MEGF8: variants seen among roughly 807,000 people sequenced by gnomAD.
The protein encoded by MEGF8 is multiple epidermal growth factor-like domains protein 8.
A neutral mutation model predicts 302.9 loss-of-function variants in MEGF8; 156 were observed. That is an observed-to-expected ratio of 0.52 (90% CI 0.45 to 0.59). MEGF8 has a LOEUF of 0.59. Ranked by LOEUF, MEGF8 falls within the 20% of genes least tolerant of loss-of-function variation. The pLI, the probability that MEGF8 is intolerant of heterozygous loss-of-function variation, is 0.00. For synonymous variants in MEGF8, 1,621 were observed against 1,660.5 expected (o/e 0.98, Z 0.58); for missense variants, 3,345 against 3,964.5 (o/e 0.84, Z 4.20).
At chr19:42,370,887 A>G (rs1242240489) in intron 40 of MEGF8, 56 bp downstream of exon 40, 1 of 399,268 alleles carries the variant, frequency 2.5e-6, no homozygotes, top group Admixed American at 3.4e-5. Flanking sequence ...CGGGGATCCC[A>G]CCCTTCTCAC....
At chr19:42,332,398 G>C (rs139085570) in intron 1 of MEGF8, among the ~76,000 whole-genome samples, 1 of 151,210 alleles carries the variant, frequency 6.6e-6, no homozygotes, top group African/African-American at 2.4e-5. Flanking sequence ...ACGAAGTCTC[G>C]CTCTTGTCCC....
At chr19:42,372,097 A>G (rs572787933) in intron 41 of MEGF8, among the ~76,000 whole-genome samples, 28 of 151,992 alleles carry the variant, frequency 1.8e-4, no homozygotes, top group Non-Finnish European at 3.5e-4. Flanking sequence ...ACACACACAC[A>G]CAACAGAAGA....
In MEGF8 at chr19:42,377,095, C is replaced by T; in HGVS notation, c.*320C>T. On this transcript the variant is annotated 3_prime_UTR_variant, in exon 42 of 42. Coordinates refer to ENST00000251268, the MANE Select transcript of MEGF8 (RefSeq NM_001271938.2). ...CACCCCACACGCATACACACATGAA[C>T]ACATGCACATGTGCACACACAAGTA... The T allele has an allele frequency of 3.1e-6, 1 of 325,888 alleles. No homozygotes were observed. Among genetic ancestry groups the T allele is most frequent in the Non-Finnish European group, 5.6e-6 (1 of 179,092 alleles). 20.2% of individuals were successfully genotyped at this position (325,888 alleles called of 1,614,324 possible). A position where few individuals can be genotyped will look rare whatever the true frequency, so the allele number is the denominator to read the frequency against.
chr19:42,370,117 C>T lies in MEGF8; in HGVS notation c.6835-72C>T, dbSNP rs1463394051. On this transcript the variant is annotated intron_variant, in intron 38 of 41. Coordinates refer to ENST00000251268, the MANE Select transcript of MEGF8 (RefSeq NM_001271938.2). Reference sequence around the variant, plus strand: ...CTCCCGTGGGCTCTCAGAACCTGCCCCTGTGCCCCCAACGCCCTCCTACCC... The same window carrying T: ...CTCCCGTGGGCTCTCAGAACCTGCCTCTGTGCCCCCAACGCCCTCCTACCC... The T allele has an allele frequency of 7.9e-6, 12 of 1,509,728 alleles. No homozygotes were observed. In the East Asian group the frequency reaches 2.5e-4, roughly 31 times the overall value. 93.5% of individuals were successfully genotyped at this position (1,509,728 alleles called of 1,614,324 possible). A position where few individuals can be genotyped will look rare whatever the true frequency, so the allele number is the denominator to read the frequency against.
rs765946176 is a variant in MEGF8 at position 42,358,334 on chromosome 19, G to GATGT, written c.5175+31_5175+34dup. On this transcript the variant is annotated intron_variant, in intron 29 of 41. Coordinates refer to ENST00000251268, the MANE Select transcript of MEGF8 (RefSeq NM_001271938.2). The surrounding 1 kb of genome is among the most constrained non-coding windows in gnomAD (Gnocchi z 4.4). ...TCAGGAAAAGAGGCTCAGACCCAAG[G>GATGT]ATGTATGGGGCAGGAGGGAGGGGTC... 24 of 1,580,340 alleles carry GATGT rather than the reference G, an allele frequency of 1.5e-5. No homozygotes were observed. In the South Asian group the frequency reaches 2.8e-4, roughly 18 times the overall value.
Position 42,370,111 on chromosome 19 carries a change from C to T in MEGF8, c.6835-78C>T. 4 of 1,485,550 alleles carry T rather than the reference C, an allele frequency of 2.7e-6. No homozygotes were observed. The South Asian group carries it at 3.8e-5, about 14-fold the overall frequency. The allele number at this position is 1,485,550 out of a possible 1,614,324, so 92.0% of individuals were successfully genotyped here. On this transcript the variant is annotated intron_variant, in intron 38 of 41. Coordinates refer to ENST00000251268, the MANE Select transcript of MEGF8 (RefSeq NM_001271938.2). ...GCTGCCCTCCCGTGGGCTCTCAGAA[C>T]CTGCCCCTGTGCCCCCAACGCCCTC...
At chr19:42,363,990 G>A (rs2039569594) in intron 35 of MEGF8, among the ~76,000 whole-genome samples, 1 of 152,208 alleles carries the variant, frequency 6.6e-6, no homozygotes, top group East Asian at 1.9e-4. Flanking sequence ...ACATTCTCGA[G>A]GAGAAACTCT....
chr19:42,336,851 G>T lies in MEGF8; in HGVS notation c.1289G>T (p.Arg430Leu), dbSNP rs375504309. The T allele has an allele frequency of 6.2e-7, 1 of 1,610,290 alleles. No individual in the cohort carries two copies. Among genetic ancestry groups the T allele is most frequent in the Non-Finnish European group, 8.5e-7 (1 of 1,178,214 alleles). Reference protein sequence around the residue: ...VNSTELFHVDRHVWTTLKGRD... With the variant: ...VNSTELFHVDLHVWTTLKGRD... ...TCCACTGAGCTTTTCCACGTGGATC[G>T]GCATGTGTGGACGACGCTGAAGGGG... The change falls in exon 7 of 42, where the codon CGG (arginine) becomes CTG (leucine). Residue 430 changes from arginine to leucine, a missense_variant. Transcript: ENST00000251268. This position sits in a 1 kb window ranked among gnomAD's most constrained non-coding sequence, Gnocchi z 4.8.
Position 42,336,064 on chromosome 19 carries a change from T to A in MEGF8, c.962T>A (p.Leu321Gln). 1 of 1,591,440 alleles carries A rather than the reference T, an allele frequency of 6.3e-7. No homozygotes were observed. Among genetic ancestry groups the A allele is most frequent in the Non-Finnish European group, 8.5e-7 (1 of 1,172,668 alleles). ...CTGGGCAGGGGCCACTGGGAGCTCC[T>A]GGCACCACCTGCCTCCAGCTCCTCG... ...SPLGRGHWEL[L>Q]APPASSSSGP... The change falls in exon 6 of 42, where the codon CTG (leucine) becomes CAG (glutamine). Residue 321 changes from leucine to glutamine, a missense_variant. Transcript: ENST00000251268. This position sits in a 1 kb window ranked among gnomAD's most constrained non-coding sequence, Gnocchi z 4.8.
At position 42,370,215 on chromosome 19, in the gene MEGF8, G is replaced by A. The variant is rs749719126; in HGVS notation, c.6861G>A (p.Pro2287=). 6.8e-5 allele frequency: 110 copies of A among 1,613,208 alleles called. No individual in the cohort carries two copies. Among genetic ancestry groups the A allele is most frequent in the Non-Finnish European group, 8.8e-5 (104 of 1,179,802 alleles). Residue 2287 remains proline (P), a synonymous_variant, in exon 39 of 42, where the codon CCG becomes CCA. Transcript: ENST00000251268. ...TKGSHCEQCL[P]LFVGSAVGGG... ...GCAGCCACTGTGAGCAGTGCCTCCC[G>A]CTGTTTGTGGGTTCAGCTGTCGGAG...
chr19:42,337,496 C>A (rs1342752205), intron 8 of MEGF8, among the ~76,000 whole-genome samples: 7 of 149,864 alleles, frequency 4.7e-5, no homozygotes, highest in South Asian at 2.1e-4. Context: ...TTTTAACTTT[C>A]TTTTCTTTTC....
At chr19:42,340,877 A>G (rs1350146823) in intron 8 of MEGF8, among the ~76,000 whole-genome samples, 1 of 150,672 alleles carries the variant, frequency 6.6e-6, no homozygotes, top group African/African-American at 2.4e-5. Context: ...CATGTTTGCC[A>G]GGCTGGTCTT....
In MEGF8 at chr19:42,356,887, G is replaced by A; in HGVS notation, c.4736G>A (p.Gly1579Asp). The A allele has an allele frequency of 1.2e-6, 2 of 1,605,366 alleles. No individual in the cohort carries two copies. The highest frequency in any genetic ancestry group is 8.5e-7 in the Non-Finnish European group (1 of 1,176,388). The change falls in exon 27 of 42, where the codon GGT becomes GAT. Residue 1579 changes from glycine to aspartate, a missense_variant. Transcript: ENST00000251268. This position sits in a 1 kb window ranked among gnomAD's most constrained non-coding sequence, Gnocchi z 5.2. ...GCCGCATATGTGCCCGCTGGCCGTG[G>A]TGCCATGTATCTGCTGGGGGGACTT... ...HAAAYVPAGR[G>D]AMYLLGGLTA...
At position 42,344,659 on chromosome 19, in the gene MEGF8, T is replaced by A; in HGVS notation, c.1934-11T>A. ...CACTGACCCACCGGCCCCCACCCCC[T>A]GTCTTCTCAGAGCAGGCCCGCTGCC... On this transcript the variant is annotated splice_polypyrimidine_tract_variant and intron_variant, in intron 11 of 41. Coordinates refer to ENST00000251268, the MANE Select transcript of MEGF8 (RefSeq NM_001271938.2). The surrounding 1 kb of genome is among the most constrained non-coding windows in gnomAD (Gnocchi z 4.5). The A allele has an allele frequency of 1.3e-6, 2 of 1,564,066 alleles. No homozygotes were observed. Among genetic ancestry groups the A allele is most frequent in the Non-Finnish European group, 8.7e-7 (1 of 1,151,272 alleles).
chr19:42,353,155 C>T lies in MEGF8; in HGVS notation c.3550+28C>T. On this transcript the variant is annotated intron_variant, in intron 20 of 41. Coordinates refer to ENST00000251268, the MANE Select transcript of MEGF8 (RefSeq NM_001271938.2). The surrounding 1 kb of genome is among the most constrained non-coding windows in gnomAD (Gnocchi z 6.1). Reference sequence around the variant, plus strand: ...AAGCAGCCCTTGTCCTGGGCCCAGCCTGGACCCAGGGAGCCTCCTCCCTTC... The same window carrying T: ...AAGCAGCCCTTGTCCTGGGCCCAGCTTGGACCCAGGGAGCCTCCTCCCTTC... 1 of 1,512,086 alleles carries T rather than the reference C, an allele frequency of 6.6e-7. No homozygotes were observed. Among genetic ancestry groups the T allele is most frequent in the Non-Finnish European group, 8.8e-7 (1 of 1,131,904 alleles). The allele number at this position is 1,512,086 out of a possible 1,614,324, so 93.7% of individuals were successfully genotyped here.
chr19:42,355,777 G>A lies in MEGF8; in HGVS notation c.4164G>A (p.Trp1388Ter). 1 of 1,581,798 alleles carries A rather than the reference G, an allele frequency of 6.3e-7. No individual in the cohort carries two copies. Among genetic ancestry groups the A allele is most frequent in the Non-Finnish European group, 8.6e-7 (1 of 1,163,112 alleles). Residue 1388 changes from tryptophan to a stop codon, truncating the protein, a stop_gained, in exon 24 of 42, where the codon TGG becomes TGA. Transcript: ENST00000251268. LOFTEE classifies it high-confidence loss of function. ...QALSGLLVLH[W>*]EANGSSSWGF... ...TCACAGGGCTGCTCGTGCTGCACTG[G>A]GAGGCCAATGGCTCCTCATCCTGGG...
intron 1 of MEGF8, among the ~76,000 whole-genome samples, chr19:42,329,730 T>C (rs894877035): frequency 6.6e-6 from 1 of 151,850 alleles, no homozygotes; most frequent in Non-Finnish European, 1.5e-5. Context: ...CTGGGCTTGG[T>C]GGGTGGTGGC....
intron 35 of MEGF8, among the ~76,000 whole-genome samples, chr19:42,363,862 C>T (rs918131936): frequency 1.3e-5 from 2 of 152,210 alleles, no homozygotes; most frequent in African/African-American, 4.8e-5. Flanking sequence ...TCTCCATTGT[C>T]GGGTTTCTGT....
At chr19:42,371,558 G>C in intron 41 of MEGF8, 76 bp downstream of exon 41, 1 of 1,589,020 alleles carries the variant, frequency 6.3e-7, no homozygotes, top group Non-Finnish European at 8.6e-7. Flanking sequence ...AGGTAGCCAG[G>C]CTCGGGCAGG....
Sources: gnomAD v4.1 joint callset for allele counts (sites outside exome capture counted in the v4.1 genomes callset) on GRCh38, gnomAD v4.1.1 for gene constraint, Gnocchi (gnomAD v3.1) non-coding constraint, MANE v1.5 for transcripts, NCBI Gene and HGNC (gene_info 2026-07-23, HGNC 2026-07-21) for gene names.